Variants in SMC2 observed in about 807,000 individuals in gnomAD.
SMC2 encodes the protein structural maintenance of chromosomes protein 2.
Under a neutral mutation model 142.6 loss-of-function variants are expected in SMC2, and 41 were observed. The observed-to-expected ratio is 0.29, with a 90% CI of 0.22 to 0.37. SMC2 has a LOEUF of 0.37. SMC2 is among the 10% of genes least tolerant of loss of function. SMC2 has a pLI of 1.00. For synonymous variants in SMC2, 463 were observed against 457.5 expected, an observed-to-expected ratio of 1.01 and a Z score of -0.15; for missense variants, 1,265 against 1,373.7, an observed-to-expected ratio of 0.92 and a Z score of 1.25.
At position 104,114,076 on chromosome 9, in the gene SMC2, A is replaced by G. The variant is rs867980205; in HGVS notation, c.1527A>G (p.Ala509=). Residue 509 remains alanine, a synonymous_variant, in exon 12 of 25, where the codon GCA becomes GCG. Transcript: ENST00000374793. The part of the protein sequence containing the change: ...LLARFPNLRF[A]YKDPEKNWNR... The stretch of plus-strand genomic sequence containing the variant: ...CCAGATTTCCCAATCTTCGATTTGC[A>G]TACAAGTAAGAGACTTAAGCCTTGA... 2.6e-6 allele frequency: 4 copies of G among 1,513,390 alleles called. No homozygotes were observed. The Middle Eastern group carries it at 6.8e-4, about 259-fold the overall frequency. 93.7% of individuals were successfully genotyped at this position (1,513,390 alleles called of 1,614,324 possible). A position where few individuals can be genotyped will look rare whatever the true frequency, so the allele number is the denominator to read the frequency against.
rs80055832 is a variant in SMC2 at position 104,117,308 on chromosome 9, A to G, written c.1792-863A>G. On this transcript the variant is annotated intron_variant, in intron 14 of 24. Transcript: ENST00000374793. ...TGCCTCAAATCCTTTAGCCAAACCT[A>G]TTTGATGGTAGCTGCCACATCAAAG... Among the ~76,000 whole-genome samples, 833 of 152,270 alleles carry G rather than the reference A, an allele frequency of 5.5e-3. 2 individuals are homozygous for G. The highest frequency in any genetic ancestry group is 0.015 in the East Asian group (79 of 5,168).
chr9:104,093,969 A>C (rs28413182), upstream of SMC2, among the ~76,000 whole-genome samples: 836 of 152,320 alleles, frequency 5.5e-3, 2 homozygotes, highest in East Asian at 0.015. Flanking sequence ...CACAGCCAGC[A>C]CCGCAGACTG....
At chr9:104,098,280 A>G (rs1276529479) in intron 3 of SMC2, among the ~76,000 whole-genome samples, 166 bp from the exon 4 acceptor site, 1 of 152,204 alleles carries the variant, frequency 6.6e-6, no homozygotes, top group Non-Finnish European at 1.5e-5. Context: ...GTCCTGACTC[A>G]AGTTAGCGTT....
In SMC2 at chr9:104,094,372, G is replaced by C; in HGVS notation, c.-167G>C. 2.5e-6 allele frequency: 1 copy of C among 398,818 alleles called. No homozygotes were observed. The highest frequency in any genetic ancestry group is 4.4e-6 in the Non-Finnish European group (1 of 226,216). The allele number at this position is 398,818 out of a possible 1,614,324, so 24.7% of individuals were successfully genotyped here. ...TGTGGCAGGTGTTGTAGCCGCTATGGTGAAGTTCGCTTTGTAGCGGCCCCG... is the reference window on the plus strand; with the variant it reads ...TGTGGCAGGTGTTGTAGCCGCTATGCTGAAGTTCGCTTTGTAGCGGCCCCG... On this transcript the variant is annotated 5_prime_UTR_variant, in exon 1 of 25. Coordinates refer to ENST00000374793, the MANE Select transcript of SMC2 (RefSeq NM_006444.3).
Position 104,100,416 on chromosome 9 carries a change from A to G in SMC2, c.619A>G (p.Ile207Val), listed in dbSNP as rs1237649413. 13 of 1,520,948 alleles carry G rather than the reference A, an allele frequency of 8.5e-6. No homozygotes were observed. The highest frequency in any genetic ancestry group is 1.2e-5 in the Non-Finnish European group (13 of 1,100,160). The allele number at this position is 1,520,948 out of a possible 1,614,324, so 94.2% of individuals were successfully genotyped here. ...ACTTGAAGAAGAGATTACTCCAACC[A>G]TTCAAAAATTAAAAGAGGTATATTC... Reference protein sequence around the residue: ...TILEEEITPTIQKLKEERSSY... With the variant: ...TILEEEITPTVQKLKEERSSY... The change falls in exon 7 of 25, where the codon ATT becomes GTT. Residue 207 changes from isoleucine to valine, a missense_variant. Coordinates refer to ENST00000374793, the MANE Select transcript of SMC2 (RefSeq NM_006444.3).
chr9:104,128,828 G>A (rs1295473565), intron 20 of SMC2, among the ~76,000 whole-genome samples: 1 of 152,138 alleles, frequency 6.6e-6, no homozygotes, highest in Admixed American at 6.5e-5. Flanking sequence ...TTCAAAAGGT[G>A]GGGAGCAGGA....
At position 104,118,191 on chromosome 9, in the gene SMC2, T is replaced by G; in HGVS notation, c.1812T>G (p.His604Gln). Residue 604 changes from histidine to glutamine, a missense_variant, in exon 15 of 25, where the codon CAT becomes CAG. This residue lies in a region of SMC2 where 898 missense variants were observed against 904.2 expected (regional missense o/e 0.99). Coordinates refer to ENST00000374793, the MANE Select transcript of SMC2 (RefSeq NM_006444.3). ...AQNLVGPDNV[H>Q]VALSLVEYKP... is the part of the protein sequence containing the mutation. ...CACAGGTTGGCCCTGACAACGTTCA[T>G]GTGGCTCTTTCCTTGGTTGAATATA... is the stretch of plus-strand genomic sequence containing the variant. 1 of 1,613,834 alleles carries G rather than the reference T, an allele frequency of 6.2e-7. No individual in the cohort carries two copies. The highest frequency in any genetic ancestry group is 8.5e-7 in the Non-Finnish European group (1 of 1,179,752).
intron 1 of SMC2, 91 bp downstream of exon 1, chr9:104,094,568 G>A (rs1403509772): frequency 1.6e-5 from 6 of 368,214 alleles, no homozygotes; most frequent in Non-Finnish European, 2.9e-5. Context: ...GGGCGCGGGG[G>A]CTGTAGGGAG....
At chr9:104,116,397 G>A in intron 14 of SMC2, 78 bp downstream of exon 14, 2 of 1,358,744 alleles carry the variant, frequency 1.5e-6, no homozygotes, top group African/African-American at 1.5e-5. Flanking sequence ...TAATTTTGAG[G>A]GACATAATCA....
Position 104,129,850 on chromosome 9 carries a change from G to A in SMC2, c.2991+5G>A. The A allele has an allele frequency of 6.2e-7, 1 of 1,609,274 alleles. No individual in the cohort carries two copies. Among genetic ancestry groups the A allele is most frequent in the Non-Finnish European group, 8.5e-7 (1 of 1,176,198 alleles). On this transcript the variant is annotated splice_donor_5th_base_variant and intron_variant, in intron 21 of 24. Transcript: ENST00000374793. The stretch of plus-strand genomic sequence containing the variant: ...TTGACAGAAGCTGAAGAGCGAGTAA[G>A]TCAATTTCTTATGAATATCTGGCCG...
chr9:104,100,853 CAG>C (rs1412733947), intron 7 of SMC2, among the ~76,000 whole-genome samples: 2 of 152,188 alleles, frequency 1.3e-5, no homozygotes, highest in Non-Finnish European at 1.5e-5. Flanking sequence ...GGTATTGAAA[CAG>C]AGGATTGGAT....
upstream of SMC2, chr9:104,094,260 C>G (rs966241399): frequency 2.5e-6 from 1 of 398,410 alleles, no homozygotes; most frequent in Non-Finnish European, 4.4e-6. Context: ...TAGGCACCAG[C>G]ACAGGAAATA....
chr9:104,116,094 G>A, intron 13 of SMC2, 106 bp from the exon 14 acceptor site: 2 of 949,926 alleles, frequency 2.1e-6, no homozygotes, highest in East Asian at 2.8e-5. Context: ...ACTTGATTGG[G>A]ATAAATGGCA....
chr9:104,115,064 A>G (rs1024438479), intron 13 of SMC2, among the ~76,000 whole-genome samples: 2 of 152,098 alleles, frequency 1.3e-5, no homozygotes, highest in South Asian at 2.1e-4. Flanking sequence ...TCTTTGCTGT[A>G]TAAGTTGAAT....
Position 104,140,904 on chromosome 9 carries a change from A to G in SMC2, c.*1589A>G, listed in dbSNP as rs1241249941. ...TCATTGCTGTTTTAGCCAACGTTTT[A>G]AAAATAATTTGGGAGTTTGACTATT... On this transcript the variant is annotated 3_prime_UTR_variant, in exon 25 of 25. Transcript: ENST00000374793. 6.6e-6 allele frequency: 1 copy of G among 152,212 alleles called. No homozygotes were observed. The highest frequency in any genetic ancestry group is 2.4e-5 in the African/African-American group (1 of 41,456). 9.4% of individuals were successfully genotyped at this position (152,212 alleles called of 1,614,324 possible). A position where few individuals can be genotyped will look rare whatever the true frequency, so the allele number is the denominator to read the frequency against.
In SMC2 at chr9:104,102,469, G is replaced by T. The variant is rs746713433; in HGVS notation, c.916G>T (p.Ala306Ser). The T allele has an allele frequency of 6.2e-7, 1 of 1,612,926 alleles. No homozygotes were observed. Among genetic ancestry groups the T allele is most frequent in the South Asian group, 1.1e-5 (1 of 90,908 alleles). Residue 306 changes from alanine to serine, a missense_variant, in exon 9 of 25, where the codon GCT becomes TCT. By Grantham distance (99) the Ala-to-Ser change is moderately conservative. Coordinates refer to ENST00000374793, the MANE Select transcript of SMC2 (RefSeq NM_006444.3). ...LRSLEDALAEAQRVNTKSQSA... is the reference protein window; with the variant it reads ...LRSLEDALAESQRVNTKSQSA... ...ATCTTTAGAAGATGCTCTTGCAGAG[G>T]CTCAGCGAGTTAATACTAAATCTCA...
At chr9:104,113,822 G>A in intron 11 of SMC2, 142 bp from the exon 12 acceptor site, 1 of 561,192 alleles carries the variant, frequency 1.8e-6, no homozygotes, top group Non-Finnish European at 3.1e-6. Context: ...ATAGAAATAG[G>A]AAGGTTCAGC....
At chr9:104,133,415 C>T (rs1835199113) in intron 22 of SMC2, among the ~76,000 whole-genome samples, 1 of 152,198 alleles carries the variant, frequency 6.6e-6, no homozygotes, top group African/African-American at 2.4e-5. Context: ...ATGTGTGTTA[C>T]TTAGTAAATC....
chr9:104,138,194 A>G, intron 24 of SMC2, 29 bp downstream of exon 24: 1 of 1,544,240 alleles, frequency 6.5e-7, no homozygotes, highest in Non-Finnish European at 8.8e-7. Flanking sequence ...AGTCTCAGTA[A>G]TAGTTTAATT....
Sources: allele counts gnomAD v4.1 joint callset (sites outside exome capture counted in the v4.1 genomes callset), GRCh38; gene constraint gnomAD v4.1.1; regional missense constraint gnomAD v4.1.1; transcripts MANE v1.5; gene names NCBI Gene and HGNC (gene_info 2026-07-23, HGNC 2026-07-21).